The following ATCAY variants were observed in gnomAD, a reference collection of about 807,000 sequenced individuals.
ATCAY encodes the protein ATCAY kinesin light chain interacting caytaxin.
In ATCAY, 22 loss-of-function variants were observed where a neutral mutation model predicts 47.7. The observed-to-expected ratio is 0.46, with a 90% CI of 0.33 to 0.66. The LOEUF is 0.66. ATCAY is among the 30% of genes least tolerant of loss of function. ATCAY has a pLI of 0.02. For synonymous variants in ATCAY, 216 were observed against 207.6 expected, an observed-to-expected ratio of 1.04 and a Z score of -0.35; for missense variants, 452 against 515.0, an observed-to-expected ratio of 0.88 and a Z score of 1.18.
intron 2 of ATCAY, among the ~76,000 whole-genome samples, chr19:3,888,584 C>T (rs957000828): frequency 4.8e-4 from 73 of 151,932 alleles, no homozygotes; most frequent in African/African-American, 1.6e-3. Flanking sequence ...GAGCCGAGAT[C>T]GCGCCACTGG....
intron 3 of ATCAY, 143 bp downstream of exon 3, chr19:3,902,688 C>T: frequency 1.1e-6 from 1 of 910,166 alleles, no homozygotes; most frequent in Non-Finnish European, 1.7e-6. Context: ...GTGGAAGTGG[C>T]CGTGGTGGGT....
intron 9 of ATCAY, among the ~76,000 whole-genome samples, chr19:3,916,313 T>TGTTTCCACCTTTTGGCTC (rs1292666679): frequency 6.6e-6 from 1 of 152,224 alleles, no homozygotes. Context: ...ACAATTGGGT[T>TGTTTCCACCTTTTGGCTC]GTTTCCACCT....
At chr19:3,918,163 T>C (rs901417416) in intron 10 of ATCAY, among the ~76,000 whole-genome samples, 5 of 152,018 alleles carry the variant, frequency 3.3e-5, no homozygotes, top group Admixed American at 3.3e-4. Context: ...GGCAGGAGGA[T>C]TGTGTGAGGT....
intron 10 of ATCAY, 128 bp from the exon 11 acceptor site, chr19:3,918,678 A>G: frequency 5.9e-6 from 5 of 846,640 alleles, no homozygotes; most frequent in Non-Finnish European, 9.3e-6. Flanking sequence ...AAGGCAGGGA[A>G]CATCTCACTG....
chr19:3,889,990 G>A (rs1264812485), intron 2 of ATCAY, among the ~76,000 whole-genome samples: 1 of 150,500 alleles, frequency 6.6e-6, no homozygotes, highest in Non-Finnish European at 1.5e-5. Flanking sequence ...TGTCACCCAG[G>A]CTGGGGTGCA....
intron 11 of ATCAY, chr19:3,920,201 A>C (rs1370156234): frequency 6.6e-6 from 1 of 152,120 alleles, no homozygotes; most frequent in Non-Finnish European, 1.5e-5. Flanking sequence ...AAAGTTAGCC[A>C]GGCATGATGG....
chr19:3,923,574 A>T lies in ATCAY; in HGVS notation c.1107-1009A>T, dbSNP rs183027400. The stretch of plus-strand genomic sequence containing the variant: ...GATGGATGGATAAATGGATGGATGG[A>T]TGGATGGGTGAAGGTTGACTGTGTG... On this transcript the variant is annotated intron_variant, in intron 12 of 12. Coordinates refer to ENST00000450849, the MANE Select transcript of ATCAY (RefSeq NM_033064.5). Among the ~76,000 whole-genome samples the T allele has an allele frequency of 2.0e-3, 297 of 151,126 alleles. 2 individuals are homozygous for T. The highest frequency in any genetic ancestry group is 6.7e-3 in the African/African-American group (273 of 40,970).
intron 3 of ATCAY, among the ~76,000 whole-genome samples, chr19:3,903,090 C>T (rs1033742197): frequency 2.0e-5 from 3 of 152,030 alleles, no homozygotes; most frequent in African/African-American, 7.2e-5. Flanking sequence ...CCTCCTGCCT[C>T]AGCCTTCTGA....
chr19:3,903,585 G>A (rs948499609), intron 3 of ATCAY, among the ~76,000 whole-genome samples: 1 of 151,346 alleles, frequency 6.6e-6, no homozygotes, highest in African/African-American at 2.4e-5. Context: ...GTGCAGTAGC[G>A]TGATCATGGC....
chr19:3,897,802 G>A (rs1341939466), intron 2 of ATCAY, among the ~76,000 whole-genome samples: 2 of 152,080 alleles, frequency 1.3e-5, no homozygotes, highest in East Asian at 3.9e-4. Flanking sequence ...CAGCTACTCT[G>A]GAGGCTGAGG....
Position 3,909,631 on chromosome 19 carries a change from G to C in ATCAY, c.779+14G>C. ...GATCGACCGGAGGTGAGGTGGGGAT[G>C]CCTCAGGAAGCACAGTGGGGGCATG... On this transcript the variant is annotated intron_variant, in intron 7 of 12. Coordinates refer to ENST00000450849, the MANE Select transcript of ATCAY (RefSeq NM_033064.5). 3 of 1,566,934 alleles carry C rather than the reference G, an allele frequency of 1.9e-6. No individual in the cohort carries two copies. Among genetic ancestry groups the C allele is most frequent in the Admixed American group, 3.8e-5 (2 of 52,396 alleles).
chr19:3,913,711 C>A lies in ATCAY; in HGVS notation c.867-47C>A. On this transcript the variant is annotated intron_variant, in intron 8 of 12. Transcript: ENST00000450849. ...TCTGTCTGGACCTAGGTAACCCCCA[C>A]CCCATGGGTTGCATTTCAGACCTCT... 2.0e-6 allele frequency: 3 copies of A among 1,496,182 alleles called. No homozygotes were observed. The South Asian group carries it at 3.5e-5, about 17-fold the overall frequency. 92.7% of individuals were successfully genotyped at this position (1,496,182 alleles called of 1,614,324 possible). A position where few individuals can be genotyped will look rare whatever the true frequency, so the allele number is the denominator to read the frequency against.
intron 2 of ATCAY, among the ~76,000 whole-genome samples, chr19:3,895,358 G>A (rs1446008205): frequency 2.6e-5 from 4 of 152,102 alleles, no homozygotes; most frequent in African/African-American, 9.7e-5. Flanking sequence ...GGGGTTACAG[G>A]CATGCACCAC....
chr19:3,888,508 T>G (rs2038684076), intron 2 of ATCAY, among the ~76,000 whole-genome samples: 1 of 151,844 alleles, frequency 6.6e-6, no homozygotes, highest in Non-Finnish European at 1.5e-5. Context: ...TGGGCACCTG[T>G]AATCCCAGCT....
chr19:3,890,865 A>G (rs2038712189), intron 2 of ATCAY, among the ~76,000 whole-genome samples: 1 of 152,146 alleles, frequency 6.6e-6, no homozygotes, highest in Admixed American at 6.6e-5. Flanking sequence ...CTCTGGAAGA[A>G]CTGAGTCGGC....
chr19:3,887,470 T>G (rs1286078433), intron 2 of ATCAY, among the ~76,000 whole-genome samples: 1 of 150,276 alleles, frequency 6.7e-6, no homozygotes, highest in Non-Finnish European at 1.5e-5. Flanking sequence ...TTTTATTTTA[T>G]TTTTTTTATT....
chr19:3,890,726 G>T (rs1014486979), intron 2 of ATCAY, among the ~76,000 whole-genome samples: 2 of 152,130 alleles, frequency 1.3e-5, no homozygotes, highest in Non-Finnish European at 2.9e-5. Context: ...ACAGCTGCAA[G>T]GCTTCTCGCC....
rs199582357 is a variant in ATCAY, at chr19:3,905,464, C to T, written c.167C>T (p.Ala56Val). 34 of 1,612,722 alleles carry T rather than the reference C, an allele frequency of 2.1e-5. No homozygotes were observed. The highest frequency in any genetic ancestry group is 1.5e-4 in the Admixed American group (9 of 59,746). ...SPPNTLNFNG[A>V]HRKRKTLVAP... ...CCCAACACGCTAAATTTCAACGGAG[C>T]GCATCGTAAGAGGAAGACGCTGGTG... Residue 56 changes from alanine (A) to valine (V), a missense_variant, in exon 4 of 13, where the codon GCG (alanine) becomes GTG (valine). Physicochemically the swap from Ala to Val is moderately conservative, Grantham distance 64 (BLOSUM62 0). Coordinates refer to ENST00000450849, the MANE Select transcript of ATCAY (RefSeq NM_033064.5).
intron 12 of ATCAY, 52 bp from the exon 13 acceptor site, chr19:3,924,531 T>A: frequency 6.2e-7 from 1 of 1,611,522 alleles, no homozygotes; most frequent in Non-Finnish European, 8.5e-7. Context: ...AAGCGCATTT[T>A]GCACTTTTAA....
Sources: gnomAD v4.1 joint callset for allele counts (sites outside exome capture counted in the v4.1 genomes callset) on GRCh38, gnomAD v4.1.1 for gene constraint, MANE v1.5 for transcripts, NCBI Gene and HGNC (gene_info 2026-07-23, HGNC 2026-07-21) for gene names.